Variants in SPATA13 observed in about 807,000 individuals in gnomAD.
SPATA13 encodes spermatogenesis-associated protein 13.
A neutral mutation model predicts 104.0 loss-of-function variants in SPATA13; 50 were observed. The observed-to-expected ratio is 0.48, with a 90% CI of 0.38 to 0.61. The LOEUF is 0.61. SPATA13 is among the 20% of genes least tolerant of loss of function. SPATA13 has a pLI of 0.00. For missense variants in SPATA13, 1,524 were observed against 1,690.6 expected, an observed-to-expected ratio of 0.90 and a Z score of 1.73; for synonymous variants, 606 against 667.5, an observed-to-expected ratio of 0.91 and a Z score of 1.42.
chr13:24,289,043 T>C lies in SPATA13; in HGVS notation c.2712T>C (p.Val904=). Residue 904 remains valine, a synonymous_variant, in exon 8 of 13, where the codon GTT becomes GTC. Transcript: ENST00000382108. ...QCRKHTGMFT[V]AQLATIFGNI... is the part of the protein sequence containing the mutation. Reference sequence around the variant, plus strand: ...GCAAGCACACAGGAATGTTCACCGTTGCGCAGCTAGCCACTATTTTTGGAA... The same window carrying C: ...GCAAGCACACAGGAATGTTCACCGTCGCGCAGCTAGCCACTATTTTTGGAA... 1 of 1,613,886 alleles carries C rather than the reference T, an allele frequency of 6.2e-7. No individual in the cohort carries two copies. Among genetic ancestry groups the C allele is most frequent in the African/African-American group, 1.3e-5 (1 of 75,052 alleles).
intron 3 of SPATA13, among the ~76,000 whole-genome samples, chr13:24,072,425 G>A (rs1335335008): frequency 6.6e-6 from 1 of 152,184 alleles, no homozygotes; most frequent in Non-Finnish European, 1.5e-5. Flanking sequence ...TGAGCCTGAG[G>A]CAGGTGGATC....
At chr13:24,256,914 T>C (rs1234667276) in intron 4 of SPATA13, among the ~76,000 whole-genome samples, 1 of 152,188 alleles carries the variant, frequency 6.6e-6, no homozygotes, top group African/African-American at 2.4e-5. Flanking sequence ...CTTCCTTGGG[T>C]TTCAGGAAGG....
At chr13:23,983,883 A>G (rs1875026859) in exon 2 of SPATA13, 1 of 985,318 alleles carries the variant, frequency 1.0e-6, no homozygotes, top group African/African-American at 1.7e-5. Context: ...TGAAATGGCA[A>G]CACCGTGCAG....
At chr13:24,147,950 T>A (rs1368855904) in intron 3 of SPATA13, among the ~76,000 whole-genome samples, 1 of 152,242 alleles carries the variant, frequency 6.6e-6, no homozygotes, top group Non-Finnish European at 1.5e-5. Context: ...TTAAGGCTAA[T>A]ATTCTATTGT....
chr13:24,179,139 TTGTA>T (rs537593539), intron 1 of SPATA13, among the ~76,000 whole-genome samples: 40 of 152,382 alleles, frequency 2.6e-4, no homozygotes, highest in South Asian at 1.7e-3. Flanking sequence ...TGATACTTCA[TTGTA>T]TGTATGTACC....
chr13:24,092,764 T>TA (rs1005110194), intron 3 of SPATA13, among the ~76,000 whole-genome samples: 3 of 152,194 alleles, frequency 2.0e-5, no homozygotes, highest in African/African-American at 7.2e-5. Flanking sequence ...TTGTAGCTTA[T>TA]AAAAAAAGTA....
At chr13:24,248,201 G>A (rs1274454931) in intron 2 of SPATA13, among the ~76,000 whole-genome samples, 1 of 152,182 alleles carries the variant, frequency 6.6e-6, no homozygotes, top group East Asian at 1.9e-4. Flanking sequence ...CTCTCATCAG[G>A]CCTGATCCCT....
At chr13:24,219,467 A>T (rs1212305926) in intron 1 of SPATA13, among the ~76,000 whole-genome samples, 1 of 152,226 alleles carries the variant, frequency 6.6e-6, no homozygotes, top group African/African-American at 2.4e-5. Context: ...TTCACTCTAT[A>T]AAAACATAGT....
At chr13:24,146,728 T>C (rs1881945280) in intron 3 of SPATA13, among the ~76,000 whole-genome samples, 2 of 152,226 alleles carry the variant, frequency 1.3e-5, no homozygotes, top group Non-Finnish European at 2.9e-5. Flanking sequence ...TTAATTAGTA[T>C]ATACCTTTGT....
intron 1 of SPATA13, among the ~76,000 whole-genome samples, chr13:24,198,280 A>C (rs919327786): frequency 6.6e-6 from 1 of 152,154 alleles, no homozygotes; most frequent in African/African-American, 2.4e-5. Context: ...GGCGTGAGCC[A>C]CCGCACCGAG....
intron 3 of SPATA13, among the ~76,000 whole-genome samples, chr13:24,058,545 A>C (rs1240541891): frequency 6.6e-6 from 1 of 151,854 alleles, no homozygotes; most frequent in Non-Finnish European, 1.5e-5. Flanking sequence ...ACTTAGAATA[A>C]TTGATTACCT....
rs1876146316 is a variant in SPATA13 at position 24,288,986 on chromosome 13, C to G, written c.2668-13C>G. 1.9e-6 allele frequency: 3 copies of G among 1,582,244 alleles called. No individual in the cohort carries two copies. The highest frequency in any genetic ancestry group is 2.0e-5 in the Admixed American group (1 of 50,692). On this transcript the variant is annotated splice_polypyrimidine_tract_variant and intron_variant, in intron 7 of 12. Coordinates refer to ENST00000382108, the MANE Select transcript of SPATA13 (RefSeq NM_001166271.3). ...GATTTCCAAATAAAAAGTATTACTT[C>G]TGTATTTTGCAGGGCTATATCCGAC...
chr13:24,013,616 GA>G (rs1593276135), intron 2 of SPATA13, among the ~76,000 whole-genome samples: 1 of 151,802 alleles, frequency 6.6e-6, no homozygotes, highest in Admixed American at 6.6e-5. Context: ...CCTTTTGTGA[GA>G]AAATGTTTTG....
chr13:24,259,937 G>A (rs183595730), intron 4 of SPATA13, among the ~76,000 whole-genome samples: 115 of 152,260 alleles, frequency 7.6e-4, no homozygotes, highest in Admixed American at 2.6e-3. Context: ...ACCACACCCG[G>A]CCTGAGTTGG....
intron 8 of SPATA13, 83 bp from the exon 9 acceptor site, chr13:24,290,569 T>C: frequency 9.7e-7 from 1 of 1,033,392 alleles, no homozygotes; most frequent in East Asian, 2.4e-5. Flanking sequence ...GAGTGTCCCT[T>C]AGAGAGGGCT....
intron 3 of SPATA13, among the ~76,000 whole-genome samples, chr13:24,029,771 C>T (rs1276048330): frequency 1.3e-5 from 2 of 152,008 alleles, no homozygotes; most frequent in African/African-American, 4.8e-5. Context: ...CCTCTCCCTC[C>T]TCCCACCCTC....
intron 2 of SPATA13, among the ~76,000 whole-genome samples, chr13:24,240,709 CCATGAACTT>C (rs1872789581): frequency 6.6e-6 from 1 of 152,104 alleles, no homozygotes; most frequent in South Asian, 2.1e-4. Context: ...TAAGTGTTCT[CCATGAACTT>C]CAGTATATTT....
intron 3 of SPATA13, among the ~76,000 whole-genome samples, chr13:24,039,771 T>C (rs140709413): frequency 6.6e-6 from 1 of 152,210 alleles, no homozygotes; most frequent in South Asian, 2.1e-4. Context: ...GTTGGCTTTG[T>C]GCATTGTTTT....
In SPATA13 at chr13:24,172,991, G is replaced by A. The variant is rs148414688; in HGVS notation, c.-112+12059G>A. On this transcript the variant is annotated intron_variant, in intron 1 of 12. Transcript: ENST00000382108. ...TTGATTAGTTTCATCAGCATTGTAC[G>A]GCTTTCAGCACACAGGTTTCATACA... is the stretch of plus-strand genomic sequence containing the variant. Among the ~76,000 whole-genome samples, 13 of 152,144 alleles carry A rather than the reference G, an allele frequency of 8.5e-5. 2 individuals are homozygous for A. The highest frequency in any genetic ancestry group is 2.7e-4 in the African/African-American group (11 of 41,504).
Sources: allele counts gnomAD v4.1 joint callset (sites outside exome capture counted in the v4.1 genomes callset), GRCh38; gene constraint gnomAD v4.1.1; transcripts MANE v1.5; gene names NCBI Gene and HGNC (gene_info 2026-07-23, HGNC 2026-07-21).